The following ERC2 variants were observed in gnomAD, a reference collection of about 807,000 sequenced individuals.
The protein encoded by ERC2 is ELKS/RAB6-interacting/CAST family member 2, also known as ERC protein 2.
ERC2 carries 42 observed loss-of-function variants against 114.8 expected under a neutral mutation model. That is an observed-to-expected ratio of 0.37 (90% CI 0.29 to 0.47). The LOEUF is 0.47. Ranked by LOEUF, ERC2 falls within the 20% of genes least tolerant of loss-of-function variation. The pLI, the probability that ERC2 is intolerant of heterozygous loss-of-function variation, is 0.99. For missense variants in ERC2, 939 were observed against 1,150.7 expected (o/e 0.82, Z 2.66); for synonymous variants, 454 against 425.5 (o/e 1.07, Z -0.82).
chr3:55,852,368 T>A (rs961028157), intron 14 of ERC2: 1 of 154,720 alleles, frequency 6.5e-6, no homozygotes, highest in African/African-American at 2.4e-5. Flanking sequence ...ATCCCTTATT[T>A]TATAGGTAAG....
chr3:56,408,127 G>A (rs2060798807), intron 2 of ERC2, among the ~76,000 whole-genome samples: 3 of 152,086 alleles, frequency 2.0e-5, no homozygotes, highest in South Asian at 4.2e-4. Context: ...TGTGAGACTC[G>A]GGATACCTTC....
At chr3:55,542,693 T>C (rs2702146) in intron 17 of ERC2, among the ~76,000 whole-genome samples, 1 of 152,162 alleles carries the variant, frequency 6.6e-6, no homozygotes, top group Admixed American at 6.5e-5. Context: ...TATTTCCCCT[T>C]TCTCCCCTTC....
intron 7 of ERC2, among the ~76,000 whole-genome samples, chr3:56,059,098 T>A (rs533155702): frequency 1.5e-3 from 30 of 20,284 alleles, no homozygotes; most frequent in African/African-American, 2.5e-3. Flanking sequence ...ATTTTTTTTA[T>A]TTTTTTTTTT....
intron 16 of ERC2, among the ~76,000 whole-genome samples, chr3:55,691,689 G>A (rs971838021): frequency 2.7e-5 from 4 of 148,818 alleles, no homozygotes; most frequent in Non-Finnish European, 4.4e-5. Context: ...TTTCTTATCA[G>A]GTTACTATCA....
At chr3:56,345,626 C>T (rs1189734217) in intron 2 of ERC2, among the ~76,000 whole-genome samples, 1 of 152,144 alleles carries the variant, frequency 6.6e-6, no homozygotes, top group African/African-American at 2.4e-5. Flanking sequence ...GAGTGAAAGA[C>T]AACAATGATA....
At chr3:56,465,297 G>T (rs1455463852) in intron 1 of ERC2, among the ~76,000 whole-genome samples, 2 of 152,196 alleles carry the variant, frequency 1.3e-5, no homozygotes, top group Non-Finnish European at 2.9e-5. Flanking sequence ...TACTTGGGAG[G>T]CTGAGGCAGG....
At chr3:55,955,463 T>C (rs1170806074) in intron 12 of ERC2, among the ~76,000 whole-genome samples, 1 of 152,228 alleles carries the variant, frequency 6.6e-6, no homozygotes, top group Non-Finnish European at 1.5e-5. Flanking sequence ...TTGTTTACTC[T>C]TGAACTTTAT....
chr3:55,914,790 A>G (rs1054367515), intron 13 of ERC2, among the ~76,000 whole-genome samples: 1 of 152,214 alleles, frequency 6.6e-6, no homozygotes, highest in African/African-American at 2.4e-5. Context: ...ACTTTATCCC[A>G]TAAAACTAGA....
chr3:55,753,514 G>A (rs1022119789), intron 14 of ERC2, among the ~76,000 whole-genome samples: 2 of 152,188 alleles, frequency 1.3e-5, no homozygotes, highest in Non-Finnish European at 2.9e-5. Flanking sequence ...GGCCCCCTGG[G>A]ACCCAAATGG....
chr3:55,940,254 G>C (rs77470761), intron 13 of ERC2, among the ~76,000 whole-genome samples: 2,483 of 152,074 alleles, frequency 0.016, 24 homozygotes, highest in Non-Finnish European at 0.026. Flanking sequence ...GAGTTGAAAG[G>C]GCCTTACTTC....
intron 17 of ERC2, among the ~76,000 whole-genome samples, chr3:55,627,108 A>T (rs1225877963): frequency 6.6e-6 from 1 of 152,238 alleles, no homozygotes. Context: ...TCTCTGAATG[A>T]GACAGGAACA....
chr3:55,725,096 A>G (rs1263421189), intron 15 of ERC2, among the ~76,000 whole-genome samples: 2 of 152,208 alleles, frequency 1.3e-5, no homozygotes, highest in African/African-American at 4.8e-5. Context: ...GGTCACCTTC[A>G]GCTAAGCCTG....
intron 2 of ERC2, among the ~76,000 whole-genome samples, chr3:56,392,214 C>T (rs180961260): frequency 2.8e-4 from 43 of 152,286 alleles, no homozygotes; most frequent in Non-Finnish European, 4.7e-4. Flanking sequence ...TGTGTTTGTA[C>T]GTGAATGCTC....
chr3:55,692,538 A>G (rs1386459916), intron 16 of ERC2, among the ~76,000 whole-genome samples: 2 of 152,206 alleles, frequency 1.3e-5, no homozygotes, highest in Admixed American at 6.5e-5. Context: ...ACCTGAGAGC[A>G]GTACCCAAGG....
At chr3:56,304,514 GTCT>G (rs1316659718) in intron 2 of ERC2, among the ~76,000 whole-genome samples, 15 of 148,670 alleles carry the variant, frequency 1.0e-4, no homozygotes, top group Non-Finnish European at 1.8e-4. Flanking sequence ...TAAATGGAAA[GTCT>G]TCATTCTGTG....
chr3:56,439,377 T>C (rs2062181461), intron 1 of ERC2, among the ~76,000 whole-genome samples: 1 of 152,178 alleles, frequency 6.6e-6, no homozygotes, highest in South Asian at 2.1e-4. Flanking sequence ...GCCCAGGAGT[T>C]CGAGGCTACA....
chr3:55,771,380 G>C (rs1249276902), intron 14 of ERC2, among the ~76,000 whole-genome samples: 1 of 152,182 alleles, frequency 6.6e-6, no homozygotes, highest in Admixed American at 6.5e-5. Context: ...TAGGTACTAG[G>C]TACCTTATGT....
intron 17 of ERC2, among the ~76,000 whole-genome samples, chr3:55,547,659 G>T (rs1045333566): frequency 2.6e-5 from 4 of 152,222 alleles, no homozygotes; most frequent in Non-Finnish European, 5.9e-5. Context: ...GACCAGGGGA[G>T]AAATAAAAAG....
At chr3:55,557,540 C>A (rs1476168044) in intron 17 of ERC2, among the ~76,000 whole-genome samples, 1 of 152,232 alleles carries the variant, frequency 6.6e-6, no homozygotes, top group African/African-American at 2.4e-5. Flanking sequence ...TTGGGGGAAT[C>A]CTTTATATAT....
Sources: allele counts gnomAD v4.1 joint callset (sites outside exome capture counted in the v4.1 genomes callset), GRCh38; gene constraint gnomAD v4.1.1; transcripts MANE v1.5; gene names NCBI Gene and HGNC (gene_info 2026-07-23, HGNC 2026-07-21).